RNF180: variants seen among roughly 807,000 people sequenced by gnomAD.
RNF180 encodes E3 ubiquitin-protein ligase RNF180.
A neutral mutation model predicts 59.2 loss-of-function variants in RNF180; 38 were observed. The ratio of observed to expected loss-of-function variants is 0.64; its 90% CI spans 0.50 to 0.84. RNF180 has a LOEUF of 0.84. Ranked by LOEUF, RNF180 falls within the 40% of genes least tolerant of loss-of-function variation. The probability of loss-of-function intolerance (pLI) is 0.00; values close to 1 mark genes in which losing one functional copy is unlikely to be tolerated. For missense variants in RNF180, 705 were observed against 700.9 expected (o/e 1.01, Z -0.07); for synonymous variants, 262 against 240.3 (o/e 1.09, Z -0.84).
chr5:64,214,142 A>G lies in RNF180; in HGVS notation c.816A>G (p.Gln272=), dbSNP rs1752485457. The G allele has an allele frequency of 6.2e-7, 1 of 1,614,016 alleles. No individual in the cohort carries two copies. Among genetic ancestry groups the G allele is most frequent in the Admixed American group, 1.7e-5 (1 of 59,976 alleles). ...QPIDLSGLPL[Q]SSKNSYSFQN... is the part of the protein sequence containing the mutation. The stretch of plus-strand genomic sequence containing the variant: ...TTGACCTTTCAGGCTTGCCTTTACA[A>G]TCTAGTAAAAATAGCTATTCCTTTC... The change falls in exon 4 of 8, where the codon CAA becomes CAG. Residue 272 remains glutamine (Q), a synonymous_variant. Transcript: ENST00000389100.
chr5:64,210,598 T>A (rs1467351714), intron 2 of RNF180, among the ~76,000 whole-genome samples: 1 of 152,134 alleles, frequency 6.6e-6, no homozygotes, highest in East Asian at 1.9e-4. Flanking sequence ...TGACTTAAAG[T>A]TTCTCTTCTC....
chr5:64,352,140 T>G (rs1440996011), intron 7 of RNF180, among the ~76,000 whole-genome samples: 1 of 152,142 alleles, frequency 6.6e-6, no homozygotes, highest in Non-Finnish European at 1.5e-5. Context: ...GGAGGGTGTA[T>G]GTGTTGAGGA....
chr5:64,262,037 G>T (rs1744370517), intron 5 of RNF180, among the ~76,000 whole-genome samples: 3 of 152,072 alleles, frequency 2.0e-5, no homozygotes, highest in African/African-American at 7.2e-5. Flanking sequence ...AGAACTTCTT[G>T]TGAAGTATCA....
At chr5:64,197,326 A>G (rs1751504501) in intron 1 of RNF180, among the ~76,000 whole-genome samples, 1 of 152,232 alleles carries the variant, frequency 6.6e-6, no homozygotes, top group African/African-American at 2.4e-5. Context: ...ATAAAGTAGC[A>G]TTTCTCAAAA....
intron 5 of RNF180, among the ~76,000 whole-genome samples, chr5:64,292,854 A>G (rs1742675532): frequency 6.6e-6 from 1 of 152,134 alleles, no homozygotes; most frequent in Admixed American, 6.5e-5. Context: ...GTGAGGCCCC[A>G]CCCAGTGAGG....
intron 6 of RNF180, among the ~76,000 whole-genome samples, chr5:64,327,423 A>G (rs1371707027): frequency 6.6e-6 from 1 of 152,080 alleles, no homozygotes; most frequent in African/African-American, 2.4e-5. Context: ...ATTTATTGCT[A>G]TGAACTTGCC....
intron 5 of RNF180, among the ~76,000 whole-genome samples, chr5:64,316,251 CT>C (rs1481074540): frequency 2.6e-5 from 4 of 152,180 alleles, no homozygotes; most frequent in Non-Finnish European, 4.4e-5. Context: ...CATTAATCCT[CT>C]GAAAGGGTCT....
At chr5:64,294,743 T>C (rs1419615229) in intron 5 of RNF180, among the ~76,000 whole-genome samples, 1 of 152,204 alleles carries the variant, frequency 6.6e-6, no homozygotes. Flanking sequence ...TGTGCTGTCA[T>C]AGTTCATTAC....
At chr5:64,355,465 A>G (rs995247341) in intron 7 of RNF180, among the ~76,000 whole-genome samples, 1 of 151,968 alleles carries the variant, frequency 6.6e-6, no homozygotes, top group Non-Finnish European at 1.5e-5. Context: ...AAGATTTAAT[A>G]CTGTTAAGAT....
chr5:64,257,986 T>G lies in RNF180; in HGVS notation c.1227+40590T>G, dbSNP rs185226855. On this transcript the variant is annotated intron_variant, in intron 5 of 7. Transcript: ENST00000389100. ...GAAGGAGATAAAGGAAGTGATGACA[T>G]CCTAATTTGGCCAGTGCCATAAAAG... Among the ~76,000 whole-genome samples, 10 of 152,282 alleles carry G rather than the reference T, an allele frequency of 6.6e-5. No homozygotes were observed. In the East Asian group the frequency reaches 1.7e-3, roughly 27 times the overall value.
chr5:64,180,213 TC>T (rs548186171), intron 1 of RNF180, among the ~76,000 whole-genome samples: 97 of 152,354 alleles, frequency 6.4e-4, no homozygotes, highest in African/African-American at 2.3e-3. Flanking sequence ...TAAAATTTTA[TC>T]AGTGTTTCAC....
At chr5:64,238,636 T>C (rs1303447905) in intron 5 of RNF180, among the ~76,000 whole-genome samples, 4 of 152,218 alleles carry the variant, frequency 2.6e-5, no homozygotes, top group African/African-American at 9.6e-5. Flanking sequence ...TTGCATGTCT[T>C]CTTTGGAAAA....
chr5:64,166,558 G>A (rs2111838118), intron 1 of RNF180, among the ~76,000 whole-genome samples: 1 of 152,156 alleles, frequency 6.6e-6, no homozygotes, highest in East Asian at 1.9e-4. Flanking sequence ...ATGGTCCTTT[G>A]GTGGGAAATT....
At chr5:64,210,331 A>G (rs1752239603) in intron 2 of RNF180, among the ~76,000 whole-genome samples, 1 of 152,128 alleles carries the variant, frequency 6.6e-6, no homozygotes, top group African/African-American at 2.4e-5. Flanking sequence ...TAGTCAAAAG[A>G]GAACCTTGGA....
chr5:64,202,717 G>T (rs1012118693), intron 2 of RNF180, among the ~76,000 whole-genome samples: 3 of 152,064 alleles, frequency 2.0e-5, no homozygotes, highest in African/African-American at 7.2e-5. Context: ...CATTTCCTTG[G>T]TGACTAATGA....
intron 5 of RNF180, among the ~76,000 whole-genome samples, chr5:64,288,494 C>G (rs1026646522): frequency 3.3e-5 from 5 of 152,154 alleles, no homozygotes; most frequent in African/African-American, 1.2e-4. Flanking sequence ...AGCGGTATGG[C>G]CATTTTCACG....
intron 5 of RNF180, among the ~76,000 whole-genome samples, chr5:64,230,004 T>G (rs1041197612): frequency 1.3e-5 from 2 of 152,220 alleles, no homozygotes; most frequent in Admixed American, 1.3e-4. Flanking sequence ...AATTAAAACA[T>G]TTAAAGATAT....
intron 5 of RNF180, among the ~76,000 whole-genome samples, chr5:64,299,137 T>C (rs1474647656): frequency 6.6e-6 from 1 of 151,948 alleles, no homozygotes. Flanking sequence ...AAAAAGATAG[T>C]TTTCTGTCTA....
At chr5:64,241,239 A>G (rs576382180) in intron 5 of RNF180, among the ~76,000 whole-genome samples, 1 of 152,346 alleles carries the variant, frequency 6.6e-6, no homozygotes, top group South Asian at 2.1e-4. Flanking sequence ...CCCAAAAAAC[A>G]AAGACACAAA....
Sources: gnomAD v4.1 joint callset for allele counts (sites outside exome capture counted in the v4.1 genomes callset) on GRCh38, gnomAD v4.1.1 for gene constraint, MANE v1.5 for transcripts, NCBI Gene and HGNC (gene_info 2026-07-23, HGNC 2026-07-21) for gene names.